SAMD5: variants seen among roughly 807,000 people sequenced by gnomAD.
SAMD5 encodes sterile alpha motif domain-containing protein 5.
Under a neutral mutation model 11.3 loss-of-function variants are expected in SAMD5, and 13 were observed. The ratio of observed to expected loss-of-function variants is 1.15; its 90% CI spans 0.75 to 1.83. The LOEUF is 1.83. Among genes scored for constraint, SAMD5 ranks in the 40% most tolerant of loss-of-function variants. The pLI, the probability that SAMD5 is intolerant of heterozygous loss-of-function variation, is 0.00. For synonymous variants in SAMD5, 129 were observed against 111.3 expected, an observed-to-expected ratio of 1.16 and a Z score of -1.00; for missense variants, 255 against 239.1, an observed-to-expected ratio of 1.07 and a Z score of -0.44.
chr6:147,831,576 C>T, the SAMD5 span, among the ~76,000 whole-genome samples: 4 of 152,122 alleles, frequency 2.6e-5, no homozygotes, highest in African/African-American at 7.2e-5. Context: ...GCTTGGGAAA[C>T]GTGGCTGCCC....
Position 147,568,136 on chromosome 6 carries a change from A to T in SAMD5, c.*3680A>T, listed in dbSNP as rs1280919941. ...GACTGATTTACAAATTAGGAGTGCA[A>T]ATGGGCTGTTCCCCGATAGCATCTT... On this transcript the variant is annotated 3_prime_UTR_variant, in exon 2 of 2. Transcript: ENST00000367474. 1 of 985,202 alleles carries T rather than the reference A, an allele frequency of 1.0e-6. No homozygotes were observed. The highest frequency in any genetic ancestry group is 1.2e-6 in the Non-Finnish European group (1 of 829,904). The allele number at this position is 985,202 out of a possible 1,614,324, so 61.0% of individuals were successfully genotyped here. A position where few individuals can be genotyped will look rare whatever the true frequency, so the allele number is the denominator to read the frequency against.
the SAMD5 span, among the ~76,000 whole-genome samples, chr6:147,744,899 C>CAATAAATAAATAAATACATA: frequency 7.3e-6 from 1 of 137,296 alleles, no homozygotes; most frequent in Non-Finnish European, 1.5e-5. Flanking sequence ...CTCTGTCTCA[C>CAATAAATAAATAAATACATA]AATAAATAAA....
chr6:147,796,659 G>C, the SAMD5 span, among the ~76,000 whole-genome samples: 11 of 151,380 alleles, frequency 7.3e-5, no homozygotes, highest in South Asian at 4.2e-4. Flanking sequence ...ACCTTGGGCA[G>C]TATTGCCATT....
At chr6:147,771,592 C>G in the SAMD5 span, among the ~76,000 whole-genome samples, 2 of 152,064 alleles carry the variant, frequency 1.3e-5, no homozygotes, top group Non-Finnish European at 2.9e-5. Flanking sequence ...AATGGGAAGT[C>G]AGTATTATGC....
chr6:147,691,535 A>G (rs1418423101), intron 1 of SAMD5, among the ~76,000 whole-genome samples: 1 of 152,230 alleles, frequency 6.6e-6, no homozygotes, highest in Non-Finnish European at 1.5e-5. Context: ...TGATAAAAAT[A>G]TGTATTTAAC....
rs889790178 is a variant in SAMD5 at position 147,567,141 on chromosome 6, A to G, written c.*2685A>G. The G allele has an allele frequency of 1.0e-5, 10 of 984,540 alleles. No individual in the cohort carries two copies. The highest frequency in any genetic ancestry group is 3.5e-5 in the African/African-American group (2 of 57,212). 61.0% of individuals were successfully genotyped at this position (984,540 alleles called of 1,614,324 possible). A position where few individuals can be genotyped will look rare whatever the true frequency, so the allele number is the denominator to read the frequency against. ...GTTCATCTTAAAATTTAGGGAGGTA[A>G]AAAAAGATTTTATTCACATAAAAGA... On this transcript the variant is annotated 3_prime_UTR_variant, in exon 2 of 2. Coordinates refer to ENST00000367474, the MANE Select transcript of SAMD5 (RefSeq NM_001030060.3).
intron 1 of SAMD5, among the ~76,000 whole-genome samples, chr6:147,663,623 TAA>T (rs11300161): frequency 8.1e-5 from 12 of 147,568 alleles, no homozygotes; most frequent in African/African-American, 9.9e-5. Context: ...CTGTGTCTAC[TAA>T]AAAAAAAAAT....
chr6:147,886,156 T>A, the SAMD5 span, among the ~76,000 whole-genome samples: 1 of 152,160 alleles, frequency 6.6e-6, no homozygotes, highest in African/African-American at 2.4e-5. Flanking sequence ...TGATACTTGA[T>A]TATAATTTAT....
At chr6:147,874,158 G>A in the SAMD5 span, among the ~76,000 whole-genome samples, 2 of 152,144 alleles carry the variant, frequency 1.3e-5, no homozygotes, top group Non-Finnish European at 2.9e-5. Context: ...TTCCTAGGGT[G>A]GGGAAACAGG....
intron 1 of SAMD5, among the ~76,000 whole-genome samples, chr6:147,528,845 T>C (rs1788384962): frequency 1.3e-5 from 2 of 152,342 alleles, no homozygotes; most frequent in South Asian, 4.1e-4. Context: ...ATAAATCCAC[T>C]GCACATTTGC....
At chr6:147,781,349 G>C in the SAMD5 span, among the ~76,000 whole-genome samples, 1 of 151,974 alleles carries the variant, frequency 6.6e-6, no homozygotes, top group Admixed American at 6.6e-5. Context: ...TAGAGACAGG[G>C]TCTCACTATA....
intron 1 of SAMD5, among the ~76,000 whole-genome samples, chr6:147,537,614 C>T (rs1012401388): frequency 6.6e-6 from 1 of 151,802 alleles, no homozygotes; most frequent in Non-Finnish European, 1.5e-5. Flanking sequence ...AATTAGCGGG[C>T]GTGGTGGCGG....
intron 1 of SAMD5, among the ~76,000 whole-genome samples, chr6:147,591,944 C>T (rs1490851900): frequency 6.6e-6 from 1 of 152,030 alleles, no homozygotes; most frequent in Non-Finnish European, 1.5e-5. Context: ...GAAGTCTCCC[C>T]AGTTTTTCTA....
At chr6:147,682,586 G>A (rs991633759) in intron 1 of SAMD5, among the ~76,000 whole-genome samples, 2 of 152,156 alleles carry the variant, frequency 1.3e-5, no homozygotes, top group Non-Finnish European at 2.9e-5. Flanking sequence ...TTATACCTGA[G>A]GAAAGCCAAG....
the SAMD5 span, among the ~76,000 whole-genome samples, chr6:147,940,175 G>A: frequency 6.6e-6 from 1 of 151,082 alleles, no homozygotes; most frequent in Admixed American, 6.6e-5. Context: ...GTCAAGAGAT[G>A]ACTCTCCCAG....
At chr6:147,733,414 C>T (rs771193895) in intron 1 of SAMD5, among the ~76,000 whole-genome samples, 11 of 152,032 alleles carry the variant, frequency 7.2e-5, no homozygotes, top group African/African-American at 1.2e-4. Flanking sequence ...GTTTTCTGCA[C>T]GGAGTACAGG....
At chr6:147,810,136 C>A in the SAMD5 span, among the ~76,000 whole-genome samples, 1 of 152,062 alleles carries the variant, frequency 6.6e-6, no homozygotes, top group Non-Finnish European at 1.5e-5. Context: ...AGACCTTTTA[C>A]GATGAAGATA....
chr6:147,875,164 C>T, the SAMD5 span, among the ~76,000 whole-genome samples: 3 of 152,178 alleles, frequency 2.0e-5, no homozygotes, highest in East Asian at 5.8e-4. Flanking sequence ...AATTTTAACA[C>T]TAATTCTATA....
At chr6:147,647,553 T>C (rs73008155) in intron 1 of SAMD5, among the ~76,000 whole-genome samples, 6,700 of 152,218 alleles carry the variant, frequency 0.044, 173 homozygotes, top group South Asian at 0.054. Flanking sequence ...AGGGAGCAAC[T>C]TAGGCTGGAT....
Sources: gnomAD v4.1 joint callset for allele counts (sites outside exome capture counted in the v4.1 genomes callset) on GRCh38, gnomAD v4.1.1 for gene constraint, MANE v1.5 for transcripts, NCBI Gene and HGNC (gene_info 2026-07-23, HGNC 2026-07-21) for gene names.